Variants in SUPT3H observed in about 807,000 individuals in gnomAD.
SUPT3H encodes the protein SPT3 homolog, SAGA and STAGA complex component.
A neutral mutation model predicts 44.3 loss-of-function variants in SUPT3H; 44 were observed. The ratio of observed to expected loss-of-function variants is 0.99; its 90% CI spans 0.78 to 1.28. The LOEUF (loss-of-function observed/expected upper bound fraction) is 1.28, where lower values mean the gene tolerates loss of function less well. SUPT3H is among the 50% of genes most tolerant of loss of function. The pLI, the probability that SUPT3H is intolerant of heterozygous loss-of-function variation, is 0.00. For synonymous variants in SUPT3H, 124 were observed against 125.6 expected (o/e 0.99, Z 0.09); for missense variants, 380 against 387.1 (o/e 0.98, Z 0.15).
rs181129993 is a variant in SUPT3H at position 44,816,438 on chromosome 6, A to G, written c.*53-6937T>C. On this transcript the variant is annotated intron_variant and NMD_transcript_variant, in intron 11 of 11. Transcript: ENST00000475057. ...AGAAGAAATAGATAACCTTATATCTAATAGATAACCTTATATCTATCTAAG... is the reference window on the plus strand; with the variant it reads ...AGAAGAAATAGATAACCTTATATCTGATAGATAACCTTATATCTATCTAAG... Among the ~76,000 whole-genome samples the G allele has an allele frequency of 4.6e-5, 7 of 152,270 alleles. 1 individual carries two copies. The highest frequency in any genetic ancestry group is 3.3e-4 in the Admixed American group (5 of 15,294).
chr6:45,113,712 C>T (rs1207390525), intron 2 of SUPT3H, among the ~76,000 whole-genome samples: 1 of 151,878 alleles, frequency 6.6e-6, no homozygotes, highest in Non-Finnish European at 1.5e-5. Context: ...TGCCTGTAAC[C>T]CCAGCTACTT....
At chr6:44,928,684 A>G (rs1769934076) in intron 10 of SUPT3H, among the ~76,000 whole-genome samples, 1 of 151,586 alleles carries the variant, frequency 6.6e-6, no homozygotes, top group African/African-American at 2.4e-5. Context: ...TCACGAGGTC[A>G]GGAGATCGAG....
At chr6:44,826,282 G>A (rs1222359124), downstream of SUPT3H, among the ~76,000 whole-genome samples, 1 of 152,158 alleles carries the variant, frequency 6.6e-6, no homozygotes, top group Non-Finnish European at 1.5e-5. Context: ...AAAACTGCTA[G>A]AGTTCCCTGC....
intron 3 of SUPT3H, among the ~76,000 whole-genome samples, chr6:45,060,797 A>T (rs1791883730): frequency 6.6e-6 from 1 of 152,226 alleles, no homozygotes; most frequent in African/African-American, 2.4e-5. Flanking sequence ...GGACGTGAAC[A>T]GACACTTCTG....
At chr6:44,920,230 C>T (rs1768467372) in intron 10 of SUPT3H, among the ~76,000 whole-genome samples, 2 of 151,336 alleles carry the variant, frequency 1.3e-5, no homozygotes, top group African/African-American at 4.9e-5. Context: ...TAATACTTTG[C>T]TTAAAAAAAT....
intron 2 of SUPT3H, among the ~76,000 whole-genome samples, chr6:45,128,689 A>T (rs1802933198): frequency 9.9e-6 from 1 of 100,648 alleles, no homozygotes; most frequent in Non-Finnish European, 1.9e-5. Context: ...CTATTAAAAG[A>T]TTCTTTTTTT....
intron 5 of SUPT3H, among the ~76,000 whole-genome samples, chr6:45,008,392 G>C (rs527470977): frequency 2.2e-4 from 34 of 152,240 alleles, no homozygotes; most frequent in African/African-American, 7.5e-4. Flanking sequence ...GTCTCGCTCT[G>C]TTGCCAGGCT....
At chr6:45,170,683 G>A (rs1320641073) in intron 2 of SUPT3H, among the ~76,000 whole-genome samples, 1 of 151,962 alleles carries the variant, frequency 6.6e-6, no homozygotes, top group Non-Finnish European at 1.5e-5. Context: ...ATCTGGTAGA[G>A]TTCCTTGAAT....
chr6:44,862,841 T>A (rs1774890181), intron 10 of SUPT3H, among the ~76,000 whole-genome samples: 1 of 152,056 alleles, frequency 6.6e-6, no homozygotes, highest in Non-Finnish European at 1.5e-5. Flanking sequence ...AAGGAGGACA[T>A]TAAAAAATTT....
intron 2 of SUPT3H, among the ~76,000 whole-genome samples, chr6:45,323,123 G>A (rs1219698184): frequency 1.3e-5 from 2 of 152,022 alleles, no homozygotes; most frequent in Admixed American, 6.6e-5. Context: ...ATGCTCAGAG[G>A]GGAATCCTTC....
chr6:45,040,971 C>G (rs1263374692), intron 3 of SUPT3H, among the ~76,000 whole-genome samples: 1 of 152,196 alleles, frequency 6.6e-6, no homozygotes, highest in Non-Finnish European at 1.5e-5. Flanking sequence ...CACCAGAGAA[C>G]TGGTGGCTAC....
At chr6:45,350,994 C>G (rs1229217860) in intron 2 of SUPT3H, among the ~76,000 whole-genome samples, 1 of 152,070 alleles carries the variant, frequency 6.6e-6, no homozygotes, top group Non-Finnish European at 1.5e-5. Flanking sequence ...ACTGCACACG[C>G]GAAGGATCTA....
At chr6:45,105,291 TC>T (rs1447192867) in intron 3 of SUPT3H, among the ~76,000 whole-genome samples, 1 of 152,032 alleles carries the variant, frequency 6.6e-6, no homozygotes, top group Admixed American at 6.6e-5. Context: ...AAAAATAAAA[TC>T]TTACAAGGAT....
intron 10 of SUPT3H, among the ~76,000 whole-genome samples, chr6:44,904,733 C>G (rs1355220580): frequency 6.6e-6 from 1 of 152,150 alleles, no homozygotes; most frequent in Non-Finnish European, 1.5e-5. Context: ...GCCAAAAGAA[C>G]AAAGTTGGAG....
chr6:45,284,626 C>T (rs1043273719), intron 2 of SUPT3H, among the ~76,000 whole-genome samples: 3 of 152,104 alleles, frequency 2.0e-5, no homozygotes, highest in African/African-American at 7.2e-5. Flanking sequence ...AAAAAAAGTC[C>T]AGTACCAGAG....
At chr6:44,809,405 A>G (rs1581786391) in exon 12 of SUPT3H, 1 of 152,354 alleles carries the variant, frequency 6.6e-6, no homozygotes, top group South Asian at 2.1e-4. Flanking sequence ...ATGCAGAATT[A>G]AACGAAGGAA....
chr6:45,041,661 A>G (rs966552308), intron 3 of SUPT3H, among the ~76,000 whole-genome samples: 2 of 152,216 alleles, frequency 1.3e-5, no homozygotes, highest in Non-Finnish European at 2.9e-5. Context: ...AATGCAAAGA[A>G]AAAACATGCC....
At chr6:44,811,565 G>C (rs1766525698) in intron 11 of SUPT3H, among the ~76,000 whole-genome samples, 1 of 152,226 alleles carries the variant, frequency 6.6e-6, no homozygotes, top group Non-Finnish European at 1.5e-5. Context: ...TGCAGATGTG[G>C]AAGGTGGAAA....
At chr6:45,292,440 G>A (rs1780464369) in intron 2 of SUPT3H, among the ~76,000 whole-genome samples, 3 of 151,698 alleles carry the variant, frequency 2.0e-5, no homozygotes, top group Non-Finnish European at 2.9e-5. Flanking sequence ...ATGTATACAG[G>A]CAACGAATAC....
Sources: gnomAD v4.1 joint callset for allele counts (sites outside exome capture counted in the v4.1 genomes callset) on GRCh38, gnomAD v4.1.1 for gene constraint, MANE v1.5 for transcripts, NCBI Gene and HGNC (gene_info 2026-07-23, HGNC 2026-07-21) for gene names.